DNAH14: variants seen among roughly 807,000 people sequenced by gnomAD.
DNAH14 encodes axonemal beta dynein heavy chain 14.
A neutral mutation model predicts 520.9 loss-of-function variants in DNAH14; 478 were observed. The ratio of observed to expected loss-of-function variants is 0.92; its 90% CI spans 0.85 to 0.99. The LOEUF (loss-of-function observed/expected upper bound fraction) is 0.99, where lower values mean the gene tolerates loss of function less well. DNAH14 is among the 50% of genes least tolerant of loss of function. The pLI, the probability that DNAH14 is intolerant of heterozygous loss-of-function variation, is 0.00. For missense variants in DNAH14, 4,831 were observed against 5,234.5 expected (o/e 0.92, Z 2.38); for synonymous variants, 1,581 against 1,757.2 (o/e 0.90, Z 2.51).
chr1:225,154,118 G>A (rs2080795736), intron 34 of DNAH14, among the ~76,000 whole-genome samples: 1 of 151,982 alleles, frequency 6.6e-6, no homozygotes, highest in Admixed American at 6.5e-5. Flanking sequence ...AATGAGAAAT[G>A]TAAAGACTAT....
intron 12 of DNAH14, among the ~76,000 whole-genome samples, chr1:225,040,478 G>GT (rs1457186861): frequency 6.6e-6 from 1 of 152,074 alleles, no homozygotes; most frequent in African/African-American, 2.4e-5. Context: ...TTTTTTTAAT[G>GT]TTTTTTATTA....
At chr1:225,167,907 C>A in intron 35 of DNAH14, 32 bp from the exon 36 acceptor site, 2 of 1,228,532 alleles carry the variant, frequency 1.6e-6, no homozygotes, top group South Asian at 1.5e-5. Context: ...ATTTGCAATG[C>A]ATTTTAAATT....
intron 54 of DNAH14, among the ~76,000 whole-genome samples, chr1:225,280,860 G>GA (rs1382094671): frequency 1.3e-5 from 2 of 151,906 alleles, no homozygotes; most frequent in South Asian, 2.1e-4. Flanking sequence ...ATAAAAGGAG[G>GA]AAAAACCTCA....
At chr1:225,088,839 T>A (rs6683197) in intron 21 of DNAH14, among the ~76,000 whole-genome samples, 19,689 of 152,130 alleles carry the variant, frequency 0.13, 3,929 homozygotes, top group African/African-American at 0.43. Flanking sequence ...AGTACTTAGA[T>A]GAAATGGACA....
At position 225,001,846 on chromosome 1, in the gene DNAH14, G is replaced by C. The variant is rs144432136; in HGVS notation, c.831-937G>C. ...TCTTTTTCTGTATCAGATACTTAGA[G>C]GGATGTCATCAAATTCTTCTATGAC... On this transcript the variant is annotated intron_variant, in intron 8 of 85. Transcript: ENST00000682510. Among the ~76,000 whole-genome samples the C allele has an allele frequency of 7.5e-3, 1,143 of 152,160 alleles. 10 individuals are homozygous for C. The highest frequency in any genetic ancestry group is 0.011 in the Non-Finnish European group (766 of 68,002).
intron 1 of DNAH14, among the ~76,000 whole-genome samples, chr1:224,941,091 C>T (rs2059389982): frequency 6.6e-6 from 1 of 152,224 alleles, no homozygotes; most frequent in Non-Finnish European, 1.5e-5. Context: ...GAGGAATCAC[C>T]ACACTCACTT....
chr1:225,237,762 G>T (rs978820924), intron 42 of DNAH14, among the ~76,000 whole-genome samples: 9 of 152,044 alleles, frequency 5.9e-5, no homozygotes, highest in Non-Finnish European at 1.3e-4. Context: ...CATAGGTTCG[G>T]TATCCTTACA....
intron 17 of DNAH14, among the ~76,000 whole-genome samples, chr1:225,058,305 A>C (rs920562481): frequency 2.0e-5 from 3 of 152,062 alleles, no homozygotes; most frequent in African/African-American, 7.2e-5. Context: ...TAGATTTTCT[A>C]GTTTATTTGT....
At chr1:225,158,727 G>A (rs2081270091) in intron 34 of DNAH14, among the ~76,000 whole-genome samples, 1 of 152,184 alleles carries the variant, frequency 6.6e-6, no homozygotes, top group Admixed American at 6.5e-5. Flanking sequence ...TGAATCTAGT[G>A]AAAAAAGAAT....
At chr1:225,353,358 T>C (rs955221700) in intron 72 of DNAH14, among the ~76,000 whole-genome samples, 1 of 152,126 alleles carries the variant, frequency 6.6e-6, no homozygotes, top group African/African-American at 2.4e-5. Flanking sequence ...GATAATCTGG[T>C]TGCATTTTCA....
At chr1:225,317,803 G>A (rs1179489857) in intron 60 of DNAH14, among the ~76,000 whole-genome samples, 4 of 151,854 alleles carry the variant, frequency 2.6e-5, no homozygotes, top group Admixed American at 6.6e-5. Flanking sequence ...TATAAACCTC[G>A]TCTCTCCTAT....
intron 27 of DNAH14, among the ~76,000 whole-genome samples, chr1:225,133,130 C>T (rs569463366): frequency 1.3e-5 from 2 of 152,064 alleles, no homozygotes; most frequent in South Asian, 4.2e-4. Context: ...AGCCCTTTGT[C>T]AGATGGAGAG....
chr1:225,352,523 TTTATG>T (rs1446519237), intron 72 of DNAH14, among the ~76,000 whole-genome samples: 1 of 152,166 alleles, frequency 6.6e-6, no homozygotes, highest in Non-Finnish European at 1.5e-5. Flanking sequence ...GGAAATTATT[TTTATG>T]TTAACAGTTG....
intron 23 of DNAH14, among the ~76,000 whole-genome samples, chr1:225,109,160 C>T (rs1465632271): frequency 6.6e-6 from 1 of 152,050 alleles, no homozygotes; most frequent in African/African-American, 2.4e-5. Context: ...ATTCTTCCAG[C>T]TTTGTTCTTT....
chr1:225,266,879 A>T, intron 49 of DNAH14, 110 bp downstream of exon 49: 1 of 1,080,578 alleles, frequency 9.3e-7, no homozygotes, highest in Non-Finnish European at 1.3e-6. Flanking sequence ...AATTCTGGCC[A>T]TATGGACATG....
intron 23 of DNAH14, among the ~76,000 whole-genome samples, 192 bp downstream of exon 23, chr1:225,101,076 T>C (rs1367207293): frequency 6.6e-6 from 1 of 152,112 alleles, no homozygotes; most frequent in African/African-American, 2.4e-5. Flanking sequence ...TGGACTAATC[T>C]AAATGACCAT....
intron 11 of DNAH14, among the ~76,000 whole-genome samples, chr1:225,036,413 G>A (rs2066965536): frequency 6.6e-6 from 1 of 152,094 alleles, no homozygotes; most frequent in Non-Finnish European, 1.5e-5. Context: ...GGGATTACAG[G>A]CCTAAGCCAC....
intron 23 of DNAH14, among the ~76,000 whole-genome samples, chr1:225,105,971 C>A (rs1412175802): frequency 7.6e-6 from 1 of 132,320 alleles, no homozygotes; most frequent in Non-Finnish European, 1.5e-5. Flanking sequence ...GATGCAGTTT[C>A]TTCCTGCATG....
intron 8 of DNAH14, among the ~76,000 whole-genome samples, chr1:224,998,723 A>T (rs545296754): frequency 3.9e-5 from 6 of 152,278 alleles, no homozygotes; most frequent in Middle Eastern, 3.4e-3. Context: ...CTTGAAAAGA[A>T]TGTGTATTCT....
Sources: gnomAD v4.1 joint callset for allele counts (sites outside exome capture counted in the v4.1 genomes callset) on GRCh38, gnomAD v4.1.1 for gene constraint, MANE v1.5 for transcripts, NCBI Gene and HGNC (gene_info 2026-07-23, HGNC 2026-07-21) for gene names.